Variants in MACROD2 observed in about 807,000 individuals in gnomAD.
The protein encoded by MACROD2 is mono-ADP ribosylhydrolase 2, also known as ADP-ribose glycohydrolase MACROD2.
In MACROD2, 36 loss-of-function variants were observed where a neutral mutation model predicts 70.4. The ratio of observed to expected loss-of-function variants is 0.51; its 90% confidence interval spans 0.39 to 0.68. The LOEUF (loss-of-function observed/expected upper bound fraction) is 0.68. MACROD2 is among the 30% of genes least tolerant of loss of function. MACROD2 has a pLI of 0.00. For synonymous variants in MACROD2, 172 were observed against 178.8 expected, an observed-to-expected ratio of 0.96 and a Z score of 0.30; for missense variants, 496 against 538.4, an observed-to-expected ratio of 0.92 and a Z score of 0.78.
intron 8 of MACROD2, among the ~76,000 whole-genome samples, chr20:15,569,000 G>A (rs1224798416): frequency 6.6e-6 from 1 of 152,144 alleles, no homozygotes; most frequent in African/African-American, 2.4e-5. Flanking sequence ...CTGAGAGAAA[G>A]GAGACAAAAA....
chr20:14,485,562 G>A (rs565808000), intron 3 of MACROD2, among the ~76,000 whole-genome samples: 65 of 152,024 alleles, frequency 4.3e-4, no homozygotes, highest in Admixed American at 3.2e-3. Flanking sequence ...TTAGCCGGGC[G>A]TGGTGGCAGG....
chr20:15,885,948 A>G, intron 10 of MACROD2, 137 bp downstream of exon 10: 1 of 1,037,112 alleles, frequency 9.6e-7, no homozygotes, highest in Non-Finnish European at 1.3e-6. Context: ...TAAAATTAAA[A>G]AGTAGTTGTT....
At chr20:15,284,301 G>A (rs1000163979) in intron 6 of MACROD2, among the ~76,000 whole-genome samples, 3 of 152,024 alleles carry the variant, frequency 2.0e-5, no homozygotes, top group African/African-American at 7.3e-5. Flanking sequence ...TAGATTTAGG[G>A]ATTAAATATC....
chr20:15,191,775 G>A (rs1372134401), intron 5 of MACROD2, among the ~76,000 whole-genome samples: 2 of 152,132 alleles, frequency 1.3e-5, no homozygotes, highest in Non-Finnish European at 2.9e-5. Context: ...ATTGCACAGG[G>A]AAGATAAAAC....
At chr20:15,806,289 T>C (rs1464394397) in intron 8 of MACROD2, among the ~76,000 whole-genome samples, 1 of 152,140 alleles carries the variant, frequency 6.6e-6, no homozygotes, top group African/African-American at 2.4e-5. Context: ...TCTCTCAACA[T>C]TGCAGCTAGT....
At chr20:14,709,649 T>A (rs111283429) in intron 5 of MACROD2, among the ~76,000 whole-genome samples, 1 of 152,212 alleles carries the variant, frequency 6.6e-6, no homozygotes, top group African/African-American at 2.4e-5. Context: ...CTTTGGATAC[T>A]AAACTAGCCA....
chr20:15,747,297 A>G (rs2051198055), intron 8 of MACROD2, among the ~76,000 whole-genome samples: 1 of 152,032 alleles, frequency 6.6e-6, no homozygotes, highest in Admixed American at 6.6e-5. Context: ...TGACTGCAAT[A>G]CTCTTCAAAG....
chr20:15,649,105 CCCCTTCCCTCCCCTCCCCT>C, intron 8 of MACROD2, among the ~76,000 whole-genome samples: 1 of 105,774 alleles, frequency 9.5e-6, no homozygotes, highest in Non-Finnish European at 1.9e-5. Flanking sequence ...CCCCTCCCCT[CCCCTTCCCTCCCCTCCCCT>C]CCCTTCCCTT....
intron 8 of MACROD2, among the ~76,000 whole-genome samples, chr20:15,657,043 A>G (rs2049741798): frequency 6.6e-6 from 1 of 152,114 alleles, no homozygotes; most frequent in Non-Finnish European, 1.5e-5. Context: ...AGGAAAGGAG[A>G]AAGAAGGAAG....
intron 10 of MACROD2, among the ~76,000 whole-genome samples, chr20:15,896,031 A>G (rs2064966906): frequency 1.3e-5 from 2 of 152,244 alleles, no homozygotes; most frequent in Non-Finnish European, 2.9e-5. Flanking sequence ...ACAAAGAGTT[A>G]CAATCATTCT....
chr20:14,941,988 G>A (rs940553600), intron 5 of MACROD2, among the ~76,000 whole-genome samples: 1 of 150,596 alleles, frequency 6.6e-6, no homozygotes, highest in South Asian at 2.1e-4. Flanking sequence ...TGCTACAGGT[G>A]GGGTTTCGCC....
At chr20:15,612,338 G>A (rs868328664) in intron 8 of MACROD2, among the ~76,000 whole-genome samples, 7 of 152,188 alleles carry the variant, frequency 4.6e-5, no homozygotes, top group Middle Eastern at 6.8e-3. Flanking sequence ...CCTCTATTGC[G>A]TCGACTCTTC....
At chr20:14,063,882 A>G (rs571344766) in intron 2 of MACROD2, among the ~76,000 whole-genome samples, 1 of 151,974 alleles carries the variant, frequency 6.6e-6, no homozygotes, top group Non-Finnish European at 1.5e-5. Flanking sequence ...GTGTACCACC[A>G]CACCCGGCTA....
chr20:14,402,912 G>A (rs2083653310), intron 3 of MACROD2, among the ~76,000 whole-genome samples: 1 of 152,164 alleles, frequency 6.6e-6, no homozygotes, highest in Admixed American at 6.5e-5. Context: ...GCTAATGACA[G>A]AAGGCAGCTA....
chr20:14,371,106 C>T (rs545408177), intron 3 of MACROD2, among the ~76,000 whole-genome samples: 182 of 152,150 alleles, frequency 1.2e-3, no homozygotes, highest in African/African-American at 4.1e-3. Context: ...TTTGCTCTTA[C>T]ATTTTGTGAC....
intron 4 of MACROD2, among the ~76,000 whole-genome samples, chr20:14,502,399 C>T (rs1338472135): frequency 6.6e-6 from 1 of 152,176 alleles, no homozygotes; most frequent in African/African-American, 2.4e-5. Context: ...GTCACAGGCA[C>T]TGTGGGTCCC....
intron 15 of MACROD2, among the ~76,000 whole-genome samples, chr20:16,020,718 C>A (rs554058973): frequency 7.2e-5 from 11 of 151,784 alleles, no homozygotes; most frequent in Non-Finnish European, 1.6e-4. Context: ...TTCATTGCAG[C>A]CAAGAACTTC....
intron 3 of MACROD2, among the ~76,000 whole-genome samples, chr20:14,167,016 G>T (rs1204721170): frequency 6.6e-6 from 1 of 152,054 alleles, no homozygotes; most frequent in Non-Finnish European, 1.5e-5. Context: ...TCTGGTTTTG[G>T]TTCCAGTCCT....
chr20:15,218,160 A>G (rs2076827348), intron 5 of MACROD2, among the ~76,000 whole-genome samples: 1 of 152,134 alleles, frequency 6.6e-6, no homozygotes, highest in Admixed American at 6.6e-5. Flanking sequence ...TTCTATGTTG[A>G]GGATAGGCTC....
Sources: allele counts gnomAD v4.1 joint callset (sites outside exome capture counted in the v4.1 genomes callset), GRCh38; gene constraint gnomAD v4.1.1; transcripts MANE v1.5; gene names NCBI Gene and HGNC (gene_info 2026-07-23, HGNC 2026-07-21).